The following ADAMTS6 variants were observed in gnomAD, a reference collection of about 807,000 sequenced individuals.
The protein encoded by ADAMTS6 is A disintegrin and metalloproteinase with thrombospondin motifs 6.
A neutral mutation model predicts 144.3 loss-of-function variants in ADAMTS6; 23 were observed. That is an observed-to-expected ratio of 0.16 (90% confidence interval 0.11 to 0.23). The LOEUF (loss-of-function observed/expected upper bound fraction) is 0.23. ADAMTS6 is among the 10% of genes least tolerant of loss of function. ADAMTS6 has a pLI of 1.00. For synonymous variants in ADAMTS6, 444 were observed against 457.5 expected (o/e 0.97, Z 0.38); for missense variants, 999 against 1,379.6 (o/e 0.72, Z 4.37).
chr5:65,384,848 A>T (rs1752357400), intron 7 of ADAMTS6, among the ~76,000 whole-genome samples: 1 of 152,212 alleles, frequency 6.6e-6, no homozygotes, highest in South Asian at 2.1e-4. Context: ...AATACCTTAG[A>T]CTGGGTAATT....
At chr5:65,454,604 C>T (rs2150253851) in intron 4 of ADAMTS6, among the ~76,000 whole-genome samples, 1 of 152,258 alleles carries the variant, frequency 6.6e-6, no homozygotes, top group Middle Eastern at 3.4e-3. Flanking sequence ...TAACAGAATA[C>T]AGCAAAGATG....
intron 7 of ADAMTS6, among the ~76,000 whole-genome samples, chr5:65,337,481 T>C (rs920059888): frequency 6.6e-6 from 1 of 152,104 alleles, no homozygotes; most frequent in Non-Finnish European, 1.5e-5. Flanking sequence ...CACAAACTAT[T>C]CTCTGTGCTG....
chr5:65,196,364 T>C (rs1755355690), intron 21 of ADAMTS6, among the ~76,000 whole-genome samples: 1 of 151,170 alleles, frequency 6.6e-6, no homozygotes, highest in African/African-American at 2.4e-5. Flanking sequence ...CTACTAAAAA[T>C]ACAAAAAATT....
At chr5:65,438,542 C>A (rs1257752395) in intron 7 of ADAMTS6, among the ~76,000 whole-genome samples, 1 of 151,988 alleles carries the variant, frequency 6.6e-6, no homozygotes, top group Non-Finnish European at 1.5e-5. Context: ...TACATACATA[C>A]ATAAAAAAAT....
chr5:65,187,881 A>C, intron 22 of ADAMTS6, 135 bp downstream of exon 22: 1 of 846,782 alleles, frequency 1.2e-6, no homozygotes, highest in South Asian at 2.1e-5. Flanking sequence ...GCAGCAATAA[A>C]ATATAACATG....
intron 11 of ADAMTS6, among the ~76,000 whole-genome samples, chr5:65,283,737 T>C (rs1763160385): frequency 6.6e-6 from 1 of 152,136 alleles, no homozygotes; most frequent in African/African-American, 2.4e-5. Flanking sequence ...AAAGTGTGAT[T>C]CTATAATCTT....
chr5:65,445,020 T>C (rs978521756), intron 7 of ADAMTS6, among the ~76,000 whole-genome samples: 51 of 152,220 alleles, frequency 3.4e-4, no homozygotes, highest in African/African-American at 1.2e-3. Flanking sequence ...GTTATATACA[T>C]ACATCAATAC....
intron 11 of ADAMTS6, among the ~76,000 whole-genome samples, chr5:65,275,907 C>G (rs1762494556): frequency 6.6e-6 from 1 of 151,974 alleles, no homozygotes; most frequent in East Asian, 1.9e-4. Context: ...AAATTTTCAT[C>G]CATAGTCCTG....
At chr5:65,210,528 T>A (rs923488725) in intron 20 of ADAMTS6, 1 of 455,652 alleles carries the variant, frequency 2.2e-6, no homozygotes, top group Admixed American at 2.7e-5. Flanking sequence ...AAAGCATTGA[T>A]GTTCAACCAG....
At chr5:65,396,491 C>G (rs1185878776) in intron 7 of ADAMTS6, among the ~76,000 whole-genome samples, 1 of 152,170 alleles carries the variant, frequency 6.6e-6, no homozygotes, top group Non-Finnish European at 1.5e-5. Flanking sequence ...TTAATCTAAC[C>G]CATCTCATCT....
intron 12 of ADAMTS6, among the ~76,000 whole-genome samples, chr5:65,264,399 T>G: frequency 6.6e-6 from 1 of 152,280 alleles, no homozygotes; most frequent in Middle Eastern, 3.4e-3. Flanking sequence ...GTCCTTCTAG[T>G]AATGCTTTGT....
chr5:65,169,742 T>G (rs932887428), intron 24 of ADAMTS6, among the ~76,000 whole-genome samples: 5 of 151,534 alleles, frequency 3.3e-5, no homozygotes, highest in African/African-American at 1.2e-4. Flanking sequence ...TGTAGGGACA[T>G]GGATGAAATT....
chr5:65,424,674 T>C (rs1018111862), intron 7 of ADAMTS6, among the ~76,000 whole-genome samples: 45 of 152,238 alleles, frequency 3.0e-4, no homozygotes, highest in African/African-American at 1.1e-3. Flanking sequence ...TAAAGTTGCA[T>C]CTATAAGGCA....
At chr5:65,304,176 T>C (rs1743718500) in intron 9 of ADAMTS6, among the ~76,000 whole-genome samples, 1 of 152,222 alleles carries the variant, frequency 6.6e-6, no homozygotes, top group Admixed American at 6.5e-5. Flanking sequence ...GAATATATAC[T>C]TCTGTAATCT....
intron 7 of ADAMTS6, among the ~76,000 whole-genome samples, chr5:65,403,443 C>T (rs944558269): frequency 6.6e-6 from 1 of 152,114 alleles, no homozygotes; most frequent in African/African-American, 2.4e-5. Flanking sequence ...TTAAAATTAG[C>T]AAGATCATGA....
chr5:65,182,543 T>C (rs1293242573), intron 22 of ADAMTS6, among the ~76,000 whole-genome samples: 1 of 151,660 alleles, frequency 6.6e-6, no homozygotes, highest in African/African-American at 2.4e-5. Flanking sequence ...ATAATCTACC[T>C]AATCCTCATA....
chr5:65,350,751 T>C (rs1669919679), intron 7 of ADAMTS6, among the ~76,000 whole-genome samples: 4 of 152,100 alleles, frequency 2.6e-5, no homozygotes, highest in Admixed American at 2.6e-4. Flanking sequence ...CCTTCTGGGT[T>C]CAAGCAATTC....
rs147205587 is a variant in ADAMTS6 at position 65,358,676 on chromosome 5, G to A, written c.1074-24591C>T. Among the ~76,000 whole-genome samples, 1,120 of 152,184 alleles carry A rather than the reference G, an allele frequency of 7.4e-3. 10 individuals are homozygous for A. Among genetic ancestry groups the A allele is most frequent in the Middle Eastern group, 0.014 (4 of 294 alleles). ...ACACCATGGTACTGACACAGAAACA[G>A]ATACATAGCCCAAGGGAACAGAACA... On this transcript the variant is annotated intron_variant, in intron 7 of 24. Transcript: ENST00000381055.
chr5:65,215,475 T>C lies in ADAMTS6; in HGVS notation c.2285A>G (p.Glu762Gly), dbSNP rs1179098513. 6.2e-7 allele frequency: 1 copy of C among 1,602,376 alleles called. No homozygotes were observed. Among genetic ancestry groups the C allele is most frequent in the African/African-American group, 1.3e-5 (1 of 74,352 alleles). ...ACCATTAATATAGTAATCATCTCCT[T>C]CAGATTTTAAAGCTAGAAAACAAAT... ...MSKNYIALKSEGDDYYINGAW... is the reference protein window; with the variant it reads ...MSKNYIALKSGGDDYYINGAW... The change falls in exon 19 of 25, where the codon GAA (glutamate) becomes GGA (glycine). Residue 762 changes from glutamate (E) to glycine (G), a missense_variant. Glu to Gly is a moderately conservative substitution (Grantham distance 98, BLOSUM62 -2). This residue lies in a region of ADAMTS6 where 619 missense variants were observed against 837.0 expected (regional missense o/e 0.74). Transcript: ENST00000381055.
Sources: allele counts gnomAD v4.1 joint callset (sites outside exome capture counted in the v4.1 genomes callset), GRCh38; gene constraint gnomAD v4.1.1; regional missense constraint gnomAD v4.1.1; transcripts MANE v1.5; gene names NCBI Gene and HGNC (gene_info 2026-07-23, HGNC 2026-07-21).